The following FBN1 variants were observed in gnomAD, a reference collection of about 807,000 sequenced individuals.
The protein encoded by FBN1 is fibrillin-1.
FBN1 carries 29 observed loss-of-function variants against 365.1 expected under a neutral mutation model. That is an observed-to-expected ratio of 0.08 (90% CI 0.06 to 0.11). The LOEUF (loss-of-function observed/expected upper bound fraction) is 0.11, where lower values mean the gene tolerates loss of function less well. Ranked by LOEUF, FBN1 falls within the 10% of genes least tolerant of loss-of-function variation. FBN1 has a pLI of 1.00. For missense variants in FBN1, 2,476 were observed against 3,703.2 expected (o/e 0.67, Z 8.60); for synonymous variants, 1,210 against 1,270.5 (o/e 0.95, Z 1.01).
Position 48,513,533 on chromosome 15 carries a change from G to A in FBN1, c.1588+16C>T. On this transcript the variant is annotated intron_variant, in intron 13 of 65. Transcript: ENST00000316623. Reference sequence around the variant, plus strand: ...CATATATGTCCCACATTCCACGTCAGGAGCCAGGACCATACCTCGGCATTC... The same window carrying A: ...CATATATGTCCCACATTCCACGTCAAGAGCCAGGACCATACCTCGGCATTC... 25 of 1,613,926 alleles carry A rather than the reference G, an allele frequency of 1.5e-5. 1 individual carries two copies. The highest frequency in any genetic ancestry group is 4.4e-5 in the South Asian group (4 of 91,086).
chr15:48,424,250 A>G (rs1377057203), intron 60 of FBN1, among the ~76,000 whole-genome samples: 1 of 152,224 alleles, frequency 6.6e-6, no homozygotes, highest in Non-Finnish European at 1.5e-5. Context: ...AGGATTATAC[A>G]GGCTTTGTGC....
At chr15:48,581,066 T>A (rs2044388073) in intron 6 of FBN1, among the ~76,000 whole-genome samples, 1 of 152,114 alleles carries the variant, frequency 6.6e-6, no homozygotes, top group African/African-American at 2.4e-5. Context: ...CACTACACCA[T>A]CAACCCATGT....
chr15:48,420,239 C>T (rs2141220040), intron 63 of FBN1, among the ~76,000 whole-genome samples: 1 of 152,306 alleles, frequency 6.6e-6, no homozygotes, highest in South Asian at 2.1e-4. Context: ...CACAACCTTG[C>T]TGTGTTTCCT....
intron 47 of FBN1, among the ~76,000 whole-genome samples, chr15:48,446,208 G>A (rs1427625954): frequency 6.6e-6 from 1 of 152,022 alleles, no homozygotes; most frequent in East Asian, 1.9e-4. Context: ...CTTATCTATG[G>A]TTTTGCTTTC....
chr15:48,538,377 A>C (rs929660373), intron 6 of FBN1, among the ~76,000 whole-genome samples: 2 of 152,208 alleles, frequency 1.3e-5, no homozygotes, highest in African/African-American at 4.8e-5. Flanking sequence ...TCTTATTTCA[A>C]ATACAAAACA....
intron 16 of FBN1, among the ~76,000 whole-genome samples, 177 bp from the exon 17 acceptor site, chr15:48,504,116 C>T (rs1394282129): frequency 2.6e-5 from 4 of 152,204 alleles, no homozygotes; most frequent in Non-Finnish European, 5.9e-5. Context: ...AAACAAAACA[C>T]GTTCAGCTTC....
chr15:48,610,942 A>T, intron 3 of FBN1, 116 bp from the exon 4 acceptor site: 1 of 753,334 alleles, frequency 1.3e-6, no homozygotes, highest in Non-Finnish European at 2.4e-6. Flanking sequence ...CTTTGCTATC[A>T]TGACTTATAT....
At chr15:48,627,769 A>T (rs1889912132) in intron 2 of FBN1, among the ~76,000 whole-genome samples, 1 of 152,188 alleles carries the variant, frequency 6.6e-6, no homozygotes, top group African/African-American at 2.4e-5. Flanking sequence ...ATCCAACCCG[A>T]AAGATTTCCC....
At chr15:48,637,331 C>T (rs953154251) in intron 2 of FBN1, among the ~76,000 whole-genome samples, 13 of 152,214 alleles carry the variant, frequency 8.5e-5, no homozygotes, top group African/African-American at 2.7e-4. Context: ...ACTAGCTCCC[C>T]GTCCTTGCCT....
At position 48,510,173 on chromosome 15, in the gene FBN1, A is replaced by C. The variant is rs771598264; in HGVS notation, c.1589-4T>G. The stretch of plus-strand genomic sequence containing the variant: ...TTCTGTAAACACTCATCAATGTCTA[A>C]AATCAAAGTTTAAAAAGAAGAAATA... On this transcript the variant is annotated splice_region_variant and splice_polypyrimidine_tract_variant and intron_variant, in intron 13 of 65. Transcript: ENST00000316623. 1 of 1,612,920 alleles carries C rather than the reference A, an allele frequency of 6.2e-7. No individual in the cohort carries two copies. The highest frequency in any genetic ancestry group is 1.1e-5 in the South Asian group (1 of 91,056).
At chr15:48,569,476 C>A (rs143957908) in intron 6 of FBN1, among the ~76,000 whole-genome samples, 29 of 151,972 alleles carry the variant, frequency 1.9e-4, no homozygotes, top group African/African-American at 6.5e-4. Flanking sequence ...AAATATCCAC[C>A]CAAGAGAAGA....
intron 9 of FBN1, among the ~76,000 whole-genome samples, chr15:48,523,604 G>A (rs147160512): frequency 1.3e-5 from 2 of 150,328 alleles, no homozygotes; most frequent in East Asian, 3.9e-4. Flanking sequence ...ATAAGTAAAG[G>A]AAGAAAAAAC....
rs1464168530 is a variant in FBN1 at position 48,412,736 on chromosome 15, C to A, written c.8059G>T (p.Val2687Phe). 4 of 1,614,224 alleles carry A rather than the reference C, an allele frequency of 2.5e-6. No individual in the cohort carries two copies. The highest frequency in any genetic ancestry group is 3.4e-6 in the Non-Finnish European group (4 of 1,180,024). Residue 2687 changes from valine to phenylalanine, a missense_variant, in exon 65 of 66, where the codon GTT becomes TTT. By Grantham distance (50) the Val-to-Phe change is conservative. Transcript: ENST00000316623. ...CCTCGGCCCATGCCCATTCCAGAAACACAGTGCCTGCAGCAGAAGGGGAGC... is the reference window on the plus strand; with the variant it reads ...CCTCGGCCCATGCCCATTCCAGAAAAACAGTGCCTGCAGCAGAAGGGGAGC... Reference protein sequence around the residue: ...GYFRIGQGHCVSGMGMGRGNP... With the variant: ...GYFRIGQGHCFSGMGMGRGNP...
At chr15:48,611,268 C>T (rs1195243129) in intron 3 of FBN1, among the ~76,000 whole-genome samples, 1 of 151,836 alleles carries the variant, frequency 6.6e-6, no homozygotes, top group Non-Finnish European at 1.5e-5. Context: ...TTTTGTTTTG[C>T]TTTGTTTTTT....
In FBN1 at chr15:48,425,938, G is replaced by A. The variant is rs911965605; in HGVS notation, c.7205-74C>T. 2 of 1,146,856 alleles carry A rather than the reference G, an allele frequency of 1.7e-6. 1 individual carries two copies. The highest frequency in any genetic ancestry group is 2.6e-5 in the South Asian group (2 of 77,768). The allele number at this position is 1,146,856 out of a possible 1,614,324, so 71.0% of individuals were successfully genotyped here. On this transcript the variant is annotated intron_variant, in intron 58 of 65. Coordinates refer to ENST00000316623, the MANE Select transcript of FBN1 (RefSeq NM_000138.5). ...CATTAATATGTAGGGGGTCACTTCA[G>A]TGTAAATACTAATAAATTGTGTTAC...
At chr15:48,485,322 C>T in intron 30 of FBN1, 52 bp downstream of exon 30, 1 of 1,613,744 alleles carries the variant, frequency 6.2e-7, no homozygotes, top group Non-Finnish European at 8.5e-7. Context: ...CCCTAAACTA[C>T]TTTACTTAGG....
intron 15 of FBN1, among the ~76,000 whole-genome samples, chr15:48,505,962 C>G (rs966703956): frequency 6.6e-6 from 1 of 152,242 alleles, no homozygotes; most frequent in Non-Finnish European, 1.5e-5. Flanking sequence ...GTGGCTCACA[C>G]TTGTGATCCC....
At chr15:48,578,897 C>T (rs533988457) in intron 6 of FBN1, among the ~76,000 whole-genome samples, 1 of 145,472 alleles carries the variant, frequency 6.9e-6, no homozygotes, top group African/African-American at 2.5e-5. Flanking sequence ...GGGAGATATA[C>T]CTAATGCTAG....
At chr15:48,546,477 G>C (rs1161404494) in intron 6 of FBN1, among the ~76,000 whole-genome samples, 1 of 152,152 alleles carries the variant, frequency 6.6e-6, no homozygotes, top group Non-Finnish European at 1.5e-5. Flanking sequence ...AGTGGCTCTG[G>C]GCTGGCAGAT....
Sources: allele counts gnomAD v4.1 joint callset (sites outside exome capture counted in the v4.1 genomes callset), GRCh38; gene constraint gnomAD v4.1.1; transcripts MANE v1.5; gene names NCBI Gene and HGNC (gene_info 2026-07-23, HGNC 2026-07-21).